OSMR: variants seen among roughly 807,000 people sequenced by gnomAD.
OSMR encodes the protein oncostatin-M-specific receptor subunit beta.
In OSMR, 81 loss-of-function variants were observed where a neutral mutation model predicts 99.9. That is an observed-to-expected ratio of 0.81 (90% CI 0.68 to 0.97). OSMR has a LOEUF of 0.97. OSMR is among the 50% of genes least tolerant of loss of function. The probability of loss-of-function intolerance (pLI) is 0.00; values close to 1 mark genes in which losing one functional copy is unlikely to be tolerated. For missense variants in OSMR, 1,099 were observed against 1,153.4 expected, an observed-to-expected ratio of 0.95 and a Z score of 0.68; for synonymous variants, 406 against 410.4, an observed-to-expected ratio of 0.99 and a Z score of 0.13.
chr5:38,895,023 A>G (rs966974263), intron 7 of OSMR, among the ~76,000 whole-genome samples: 10 of 152,168 alleles, frequency 6.6e-5, no homozygotes, highest in Admixed American at 6.5e-4. Flanking sequence ...AAAATGAAGG[A>G]AGAAATTAAA....
chr5:38,933,706 C>CAGG lies in OSMR; in HGVS notation c.*265_*267dup. 1.9e-6 allele frequency: 1 copy of CAGG among 515,418 alleles called. No individual in the cohort carries two copies. Among genetic ancestry groups the CAGG allele is most frequent in the Non-Finnish European group, 3.5e-6 (1 of 284,608 alleles). The allele number at this position is 515,418 out of a possible 1,614,324, so 31.9% of individuals were successfully genotyped here. ...GTTTGTTCCAGGCTCACCTTTAGAA[C>CAGG]AGGAGACTTGAGCTTGACCTAAGGA... On this transcript the variant is annotated 3_prime_UTR_variant, in exon 18 of 18. Coordinates refer to ENST00000274276, the MANE Select transcript of OSMR (RefSeq NM_003999.3).
intron 3 of OSMR, among the ~76,000 whole-genome samples, chr5:38,877,879 T>C (rs1742964919): frequency 6.6e-6 from 1 of 152,204 alleles, no homozygotes; most frequent in South Asian, 2.1e-4. Flanking sequence ...TCATATCTGT[T>C]TTCATATTTG....
chr5:38,850,409 TCTTC>T (rs1454065561), intron 1 of OSMR, among the ~76,000 whole-genome samples: 4 of 152,228 alleles, frequency 2.6e-5, no homozygotes, highest in African/African-American at 7.2e-5. Context: ...TCTCTCCCTC[TCTTC>T]CTTTATTTTT....
At position 38,931,911 on chromosome 5, in the gene OSMR, C is replaced by T. The variant is rs765216775; in HGVS notation, c.2241C>T (p.Pro747=). ...HSSMLIHILL[P]MVFCVLLIMV... Reference sequence around the variant, plus strand: ...CGATGCTGATTCATATCCTACTGCCCATGGTTTTCTGCGTCTTGCTCATCA... The same window carrying T: ...CGATGCTGATTCATATCCTACTGCCTATGGTTTTCTGCGTCTTGCTCATCA... The change falls in exon 16 of 18, where the codon CCC becomes CCT. Residue 747 remains proline (P), a synonymous_variant. Transcript: ENST00000274276. 42 of 1,613,458 alleles carry T rather than the reference C, an allele frequency of 2.6e-5. No homozygotes were observed. Among genetic ancestry groups the T allele is most frequent in the Non-Finnish European group, 3.1e-5 (37 of 1,179,600 alleles).
chr5:38,895,935 C>T (rs1445530311), intron 7 of OSMR, among the ~76,000 whole-genome samples: 2 of 151,974 alleles, frequency 1.3e-5, no homozygotes, highest in African/African-American at 4.8e-5. Flanking sequence ...TGTGTTTTGG[C>T]ACCTTTGTAA....
At chr5:38,894,228 T>A (rs1744340172) in intron 7 of OSMR, among the ~76,000 whole-genome samples, 1 of 152,150 alleles carries the variant, frequency 6.6e-6, no homozygotes, top group Non-Finnish European at 1.5e-5. Flanking sequence ...AACATCACAC[T>A]TAAGTACCTA....
intron 1 of OSMR, among the ~76,000 whole-genome samples, chr5:38,857,488 C>G (rs750765118): frequency 1.3e-5 from 2 of 152,110 alleles, no homozygotes; most frequent in South Asian, 2.1e-4. Flanking sequence ...AATACAAACT[C>G]ATTTGAAATT....
Position 38,935,252 on chromosome 5 carries a change from G to T in OSMR, c.*1808G>T, listed in dbSNP as rs1397102664. 6.6e-6 allele frequency: 1 copy of T among 152,222 alleles called. No homozygotes were observed. Among genetic ancestry groups the T allele is most frequent in the Non-Finnish European group, 1.5e-5 (1 of 68,072 alleles). The allele number at this position is 152,222 out of a possible 1,614,324, so 9.4% of individuals were successfully genotyped here. On this transcript the variant is annotated 3_prime_UTR_variant, in exon 18 of 18. Coordinates refer to ENST00000274276, the MANE Select transcript of OSMR (RefSeq NM_003999.3). The stretch of plus-strand genomic sequence containing the variant: ...CTTCTGGTGCCCAATGCCTTGCACT[G>T]TGCCATTCAACACTATGAAGAGAAA...
chr5:38,933,073 G>A lies in OSMR; in HGVS notation c.2569G>A (p.Glu857Lys), dbSNP rs759738035. ...HSGPGPCICF[E>K]NLTYNQAASD... ...TGGCCCTGGCCCCTGCATCTGTTTT[G>A]AGAACTTGACCTATAACCAGGCAGC... Residue 857 changes from glutamate (E) to lysine (K), a missense_variant, in exon 18 of 18, where the codon GAG becomes AAG. Glu to Lys is a moderately conservative substitution (Grantham distance 56). Transcript: ENST00000274276. 5.8e-5 allele frequency: 93 copies of A among 1,614,026 alleles called. No individual in the cohort carries two copies. Among genetic ancestry groups the A allele is most frequent in the Middle Eastern group, 3.3e-4 (2 of 6,084 alleles).
At chr5:38,910,193 G>T (rs1467575979) in intron 9 of OSMR, among the ~76,000 whole-genome samples, 1 of 152,164 alleles carries the variant, frequency 6.6e-6, no homozygotes, top group African/African-American at 2.4e-5. Context: ...AAATATATAT[G>T]CACCTAACAC....
chr5:38,849,296 C>T (rs140428165), intron 1 of OSMR, among the ~76,000 whole-genome samples: 2 of 152,204 alleles, frequency 1.3e-5, no homozygotes, highest in African/African-American at 2.4e-5. Context: ...TGGAAGGTAA[C>T]GATGTAACTT....
chr5:38,864,540 G>GTTTTTTTTT (rs33918195), intron 1 of OSMR, among the ~76,000 whole-genome samples: 3 of 147,250 alleles, frequency 2.0e-5, no homozygotes, highest in Non-Finnish European at 4.5e-5. Flanking sequence ...CTTGCCTGAA[G>GTTTTTTTTT]TTTTTTTTTT....
intron 7 of OSMR, among the ~76,000 whole-genome samples, chr5:38,898,493 G>C (rs950278918): frequency 6.6e-6 from 1 of 152,054 alleles, no homozygotes; most frequent in African/African-American, 2.4e-5. Flanking sequence ...TGCCTTTATA[G>C]GCTAAGTGCA....
At chr5:38,884,671 G>T (rs1743566927) in intron 5 of OSMR, among the ~76,000 whole-genome samples, 1 of 152,180 alleles carries the variant, frequency 6.6e-6, no homozygotes. Context: ...GCAAATGGAG[G>T]CCATTACTGT....
chr5:38,918,749 G>A, intron 10 of OSMR, 91 bp from the exon 11 acceptor site: 2 of 1,559,304 alleles, frequency 1.3e-6, no homozygotes, highest in Middle Eastern at 1.8e-4. Flanking sequence ...CGTATATAAA[G>A]GAGTTGAGGG....
At chr5:38,924,196 C>A in intron 13 of OSMR, 1 of 417,634 alleles carries the variant, frequency 2.4e-6, no homozygotes. Context: ...GGTGTCCATT[C>A]TTCATCTGTA....
intron 3 of OSMR, among the ~76,000 whole-genome samples, chr5:38,879,624 T>A (rs1579688897): frequency 7.3e-6 from 1 of 137,336 alleles, no homozygotes; most frequent in South Asian, 2.2e-4. Context: ...ATTTGCTCCT[T>A]TTTTTTTTTT....
chr5:38,888,010 G>C (rs1743905685), intron 7 of OSMR, among the ~76,000 whole-genome samples: 1 of 152,122 alleles, frequency 6.6e-6, no homozygotes, highest in Admixed American at 6.5e-5. Context: ...GTTTTAAGGA[G>C]TGAAAAGTTT....
chr5:38,863,336 C>T (rs929326023), intron 1 of OSMR, among the ~76,000 whole-genome samples: 1 of 151,762 alleles, frequency 6.6e-6, no homozygotes, highest in African/African-American at 2.4e-5. Context: ...GTCAAGAGAT[C>T]GAGACCATGC....
Sources: gnomAD v4.1 joint callset for allele counts (sites outside exome capture counted in the v4.1 genomes callset) on GRCh38, gnomAD v4.1.1 for gene constraint, MANE v1.5 for transcripts, NCBI Gene and HGNC (gene_info 2026-07-23, HGNC 2026-07-21) for gene names.